Variants in NRG4 observed in about 807,000 individuals in gnomAD.
NRG4 encodes neuregulin 4, also known as pro-neuregulin-4, membrane-bound isoform.
Under a neutral mutation model 15.0 loss-of-function variants are expected in NRG4, and 10 were observed. That is an observed-to-expected ratio of 0.67 (90% CI 0.41 to 1.13). The LOEUF is 1.13. NRG4 is among the 50% of genes most tolerant of loss of function. The probability of loss-of-function intolerance (pLI) is 0.00; values close to 1 mark genes in which losing one functional copy is unlikely to be tolerated. For missense variants in NRG4, 139 were observed against 140.2 expected, an observed-to-expected ratio of 0.99 and a Z score of 0.04; for synonymous variants, 41 against 50.1, an observed-to-expected ratio of 0.82 and a Z score of 0.77.
At chr15:75,993,154 T>C (rs759422376) in intron 3 of NRG4, among the ~76,000 whole-genome samples, 5 of 152,090 alleles carry the variant, frequency 3.3e-5, no homozygotes, top group Non-Finnish European at 7.4e-5. Context: ...CTTTCAAGAT[T>C]TTCTCTTTAT....
At chr15:76,051,476 A>C (rs2036014881) in intron 4 of NRG4, among the ~76,000 whole-genome samples, 1 of 150,730 alleles carries the variant, frequency 6.6e-6, no homozygotes, top group African/African-American at 2.5e-5. Flanking sequence ...TTTTTAAATC[A>C]CAAAGACCAG....
intron 3 of NRG4, chr15:76,005,711 A>T: frequency 9.0e-6 from 3 of 332,384 alleles, no homozygotes; most frequent in South Asian, 8.3e-5. Flanking sequence ...GAAAGAAAAG[A>T]GAATTGTAAG....
intron 5 of NRG4, among the ~76,000 whole-genome samples, chr15:75,945,319 T>C (rs894857646): frequency 2.2e-4 from 34 of 151,650 alleles, no homozygotes; most frequent in African/African-American, 7.2e-4. Context: ...AGAGGCACAA[T>C]CTCAGCTCAC....
At chr15:75,986,026 T>C (rs138447457) in intron 3 of NRG4, among the ~76,000 whole-genome samples, 1 of 152,206 alleles carries the variant, frequency 6.6e-6, no homozygotes, top group Admixed American at 6.5e-5. Context: ...GAAACACATA[T>C]GGCTCAACCT....
intron 3 of NRG4, chr15:76,052,315 T>G (rs571326953): frequency 6.6e-6 from 1 of 151,170 alleles, no homozygotes; most frequent in African/African-American, 2.5e-5. Context: ...GACTTTTTAG[T>G]AAGAAGCAGA....
chr15:76,048,423 GATCAGGCCACTAT>G (rs1420129829), intron 4 of NRG4, among the ~76,000 whole-genome samples: 1 of 133,554 alleles, frequency 7.5e-6, no homozygotes, highest in African/African-American at 2.9e-5. Flanking sequence ...AGCAAGCTGA[GATCAGGCCACTAT>G]ACTCCAGCCT....
intron 3 of NRG4, among the ~76,000 whole-genome samples, chr15:75,971,951 T>A (rs1454483528): frequency 2.0e-5 from 3 of 152,184 alleles, no homozygotes; most frequent in African/African-American, 7.2e-5. Context: ...CACACTGTCT[T>A]CCACAATGGT....
intron 3 of NRG4, among the ~76,000 whole-genome samples, chr15:75,968,636 T>C (rs2032943460): frequency 1.3e-5 from 2 of 148,240 alleles, no homozygotes; most frequent in South Asian, 4.3e-4. Flanking sequence ...GGCATGCAGC[T>C]GAGTGCGTAA....
chr15:75,966,544 A>G (rs1335640520), intron 3 of NRG4, among the ~76,000 whole-genome samples: 1 of 152,186 alleles, frequency 6.6e-6, no homozygotes, highest in East Asian at 1.9e-4. Context: ...GAGCATGGTG[A>G]TCAATAAATG....
chr15:75,959,952 C>A (rs1220897663), intron 4 of NRG4, among the ~76,000 whole-genome samples: 4 of 152,108 alleles, frequency 2.6e-5, no homozygotes, highest in Non-Finnish European at 5.9e-5. Context: ...GGTGGTTGCT[C>A]CAACAGTTTG....
chr15:76,025,066 T>G (rs2035270225), intron 5 of NRG4, among the ~76,000 whole-genome samples: 3 of 152,150 alleles, frequency 2.0e-5, no homozygotes, highest in African/African-American at 7.2e-5. Context: ...AAGATTCCAA[T>G]CATAAGGAAC....
chr15:76,033,887 A>G (rs988158142), intron 5 of NRG4, among the ~76,000 whole-genome samples: 2 of 152,232 alleles, frequency 1.3e-5, no homozygotes, highest in Admixed American at 1.3e-4. Flanking sequence ...TGGCCACTGT[A>G]GCAATAAGTT....
At chr15:76,028,283 C>G (rs2035369211) in intron 5 of NRG4, among the ~76,000 whole-genome samples, 1 of 150,556 alleles carries the variant, frequency 6.6e-6, no homozygotes, top group Non-Finnish European at 1.5e-5. Flanking sequence ...AAAAAGAAAA[C>G]CCAAATTAAA....
In NRG4 at chr15:75,943,419, T is replaced by C; in HGVS notation, c.*219A>G. 1.9e-6 allele frequency: 1 copy of C among 524,424 alleles called. No individual in the cohort carries two copies. Among genetic ancestry groups the C allele is most frequent in the South Asian group, 2.8e-5 (1 of 35,920 alleles). 32.5% of individuals were successfully genotyped at this position (524,424 alleles called of 1,614,324 possible). A position where few individuals can be genotyped will look rare whatever the true frequency, so the allele number is the denominator to read the frequency against. On this transcript the variant is annotated 3_prime_UTR_variant, in exon 6 of 6. Transcript: ENST00000394907. ...GTTGAACCAATGTGACTTCGAATTA[T>C]ACTGGTATCACCCCCTACTTAGCAG...
At chr15:76,028,121 T>A (rs1011498453) in intron 5 of NRG4, among the ~76,000 whole-genome samples, 2 of 149,072 alleles carry the variant, frequency 1.3e-5, no homozygotes, top group African/African-American at 2.5e-5. Flanking sequence ...ACTAAAAAAA[T>A]AAGAAAAAAA....
At chr15:75,959,160 AAT>A in intron 4 of NRG4, 1 of 417,340 alleles carries the variant, frequency 2.4e-6, no homozygotes, top group Admixed American at 2.7e-5. Context: ...TAAAAAAAAA[AAT>A]TGTTTTGTAC....
intron 3 of NRG4, among the ~76,000 whole-genome samples, chr15:75,994,194 C>T (rs951601064): frequency 6.6e-6 from 1 of 152,210 alleles, no homozygotes; most frequent in Non-Finnish European, 1.5e-5. Context: ...ATCTCTCCTA[C>T]TGCTGCAACA....
intron 3 of NRG4, among the ~76,000 whole-genome samples, chr15:75,998,702 T>C (rs986349157): frequency 1.3e-5 from 2 of 152,118 alleles, no homozygotes; most frequent in African/African-American, 4.8e-5. Context: ...GAAACAGATT[T>C]ACCCCAGTAA....
intron 1 of NRG4, chr15:76,057,125 C>G (rs1423391218): frequency 6.6e-6 from 1 of 152,148 alleles, no homozygotes; most frequent in South Asian, 2.1e-4. Flanking sequence ...CAAAATTCCT[C>G]TCATTAGTCA....
Sources: gnomAD v4.1 joint callset for allele counts (sites outside exome capture counted in the v4.1 genomes callset) on GRCh38, gnomAD v4.1.1 for gene constraint, MANE v1.5 for transcripts, NCBI Gene and HGNC (gene_info 2026-07-23, HGNC 2026-07-21) for gene names.